The following PLXNA4 variants were observed in gnomAD, a reference collection of about 807,000 sequenced individuals.
The protein encoded by PLXNA4 is plexin-A4.
PLXNA4 carries 44 observed loss-of-function variants against 191.8 expected under a neutral mutation model. That is an observed-to-expected ratio of 0.23 (90% CI 0.18 to 0.29). The LOEUF (loss-of-function observed/expected upper bound fraction) is 0.29, where lower values mean the gene tolerates loss of function less well. Ranked by LOEUF, PLXNA4 falls within the 10% of genes least tolerant of loss-of-function variation. The pLI is 1.00. For missense variants in PLXNA4, 1,800 were observed against 2,488.8 expected (o/e 0.72, Z 5.89); for synonymous variants, 1,082 against 1,009.5 (o/e 1.07, Z -1.36).
chr7:132,281,026 T>C (rs1002465487), intron 4 of PLXNA4, among the ~76,000 whole-genome samples: 1 of 152,142 alleles, frequency 6.6e-6, no homozygotes, highest in South Asian at 2.1e-4. Context: ...GAGATAAAGA[T>C]AAAATAGCAT....
At chr7:132,605,959 T>C (rs1164953380) in intron 2 of PLXNA4, among the ~76,000 whole-genome samples, 1 of 150,556 alleles carries the variant, frequency 6.6e-6, no homozygotes, top group African/African-American at 2.4e-5. Flanking sequence ...AGGCCAGGAG[T>C]TCGAGACAAG....
intron 24 of PLXNA4, among the ~76,000 whole-genome samples, chr7:132,160,603 A>T (rs1475784858): frequency 2.6e-5 from 4 of 152,142 alleles, no homozygotes; most frequent in Non-Finnish European, 5.9e-5. Context: ...TCCAAGGCAG[A>T]GAGGCTGGGC....
chr7:132,274,625 C>T (rs1291176244), intron 4 of PLXNA4, among the ~76,000 whole-genome samples: 1 of 152,150 alleles, frequency 6.6e-6, no homozygotes, highest in East Asian at 1.9e-4. Context: ...ATGACTTTGA[C>T]ACTTTTGATG....
chr7:132,289,532 T>G (rs1800806135), intron 4 of PLXNA4, among the ~76,000 whole-genome samples: 2 of 152,132 alleles, frequency 1.3e-5, no homozygotes, highest in Non-Finnish European at 2.9e-5. Context: ...AAAATTTATT[T>G]TTATTTATTT....
At chr7:132,319,654 G>A (rs1291620729) in intron 3 of PLXNA4, among the ~76,000 whole-genome samples, 1 of 152,236 alleles carries the variant, frequency 6.6e-6, no homozygotes, top group Non-Finnish European at 1.5e-5. Flanking sequence ...CAATTTTGCT[G>A]TTTCCTTATG....
intron 14 of PLXNA4, among the ~76,000 whole-genome samples, chr7:132,190,000 A>G (rs1195176407): frequency 6.6e-6 from 1 of 152,172 alleles, no homozygotes; most frequent in African/African-American, 2.4e-5. Flanking sequence ...CAAATCTTTG[A>G]GCTTCAGGGA....
chr7:132,586,563 C>A (rs924183286), intron 2 of PLXNA4, among the ~76,000 whole-genome samples: 3 of 152,120 alleles, frequency 2.0e-5, no homozygotes, highest in Non-Finnish European at 2.9e-5. Flanking sequence ...CCAGCCTGGG[C>A]AACATGATGA....
At chr7:132,634,328 G>A (rs1006616265) in intron 2 of PLXNA4, among the ~76,000 whole-genome samples, 3 of 152,138 alleles carry the variant, frequency 2.0e-5, no homozygotes, top group African/African-American at 7.2e-5. Context: ...CTGCCCATAT[G>A]TAAGGCTTCA....
At chr7:132,473,194 G>A (rs1219576837) in intron 3 of PLXNA4, among the ~76,000 whole-genome samples, 1 of 152,234 alleles carries the variant, frequency 6.6e-6, no homozygotes, top group Non-Finnish European at 1.5e-5. Flanking sequence ...TTGTCACCAG[G>A]TGCAAACCCC....
chr7:132,150,655 G>A (rs1251739861), intron 25 of PLXNA4, among the ~76,000 whole-genome samples: 1 of 152,244 alleles, frequency 6.6e-6, no homozygotes, highest in Non-Finnish European at 1.5e-5. Context: ...CATGGGGCTT[G>A]CTAGGACTAG....
intron 5 of PLXNA4, among the ~76,000 whole-genome samples, chr7:132,232,184 G>T (rs141499965): frequency 3.3e-5 from 5 of 152,086 alleles, no homozygotes; most frequent in African/African-American, 9.7e-5. Context: ...GTTAATTCAC[G>T]ACCTGAGAGG....
At chr7:132,204,417 C>A (rs185833231) in intron 10 of PLXNA4, among the ~76,000 whole-genome samples, 1 of 152,188 alleles carries the variant, frequency 6.6e-6, no homozygotes, top group Non-Finnish European at 1.5e-5. Flanking sequence ...CGACTCTGCT[C>A]GCCACAAGGG....
rs552672119 is a variant in PLXNA4, at chr7:132,292,340, A to T, written c.1503+5751T>A. On this transcript the variant is annotated intron_variant, in intron 4 of 31. Transcript: ENST00000321063. ...ACAAAGAAACTAGGGACAAGAAGGG[A>T]TGAAAGAGTGTTTAGAAGAGAGAGC... Among the ~76,000 whole-genome samples the T allele has an allele frequency of 2.6e-5, 4 of 152,308 alleles. No homozygotes were observed. In the South Asian group the frequency reaches 8.3e-4, roughly 32 times the overall value.
intron 2 of PLXNA4, among the ~76,000 whole-genome samples, chr7:132,605,966 C>T (rs1380291164): frequency 6.6e-6 from 1 of 152,030 alleles, no homozygotes; most frequent in African/African-American, 2.4e-5. Context: ...GAGTTCGAGA[C>T]AAGCCTGGCC....
intron 1 of PLXNA4, among the ~76,000 whole-genome samples, chr7:132,538,317 G>A (rs1240960889): frequency 2.0e-5 from 3 of 152,204 alleles, no homozygotes. Context: ...CAGCACAAAT[G>A]CACCGGCAAG....
At chr7:132,526,866 G>C (rs899607787) in intron 1 of PLXNA4, among the ~76,000 whole-genome samples, 2 of 152,168 alleles carry the variant, frequency 1.3e-5, no homozygotes, top group Admixed American at 1.3e-4. Context: ...GGGGTCTTGA[G>C]GGTCTGGCTA....
chr7:132,210,760 A>G (rs1797772327), intron 10 of PLXNA4, among the ~76,000 whole-genome samples, 183 bp downstream of exon 10: 1 of 152,202 alleles, frequency 6.6e-6, no homozygotes, highest in African/African-American at 2.4e-5. Context: ...AGAACCCAGC[A>G]CGCTGCTGGG....
chr7:132,301,736 G>A (rs937079764), intron 3 of PLXNA4, among the ~76,000 whole-genome samples: 1 of 152,208 alleles, frequency 6.6e-6, no homozygotes, highest in Non-Finnish European at 1.5e-5. Context: ...CTGCAGTTCT[G>A]GGAGAGAAAC....
intron 1 of PLXNA4, among the ~76,000 whole-genome samples, chr7:132,534,712 T>G (rs1403204704): frequency 6.6e-6 from 1 of 152,202 alleles, no homozygotes; most frequent in African/African-American, 2.4e-5. Context: ...AACTTCTATT[T>G]AAATCTATTT....
Sources: allele counts gnomAD v4.1 joint callset (sites outside exome capture counted in the v4.1 genomes callset), GRCh38; gene constraint gnomAD v4.1.1; transcripts MANE v1.5; gene names NCBI Gene and HGNC (gene_info 2026-07-23, HGNC 2026-07-21).